CNGA1: variants seen among roughly 807,000 people sequenced by gnomAD.
CNGA1 encodes cyclic nucleotide-gated channel alpha-1.
A neutral mutation model predicts 69.7 loss-of-function variants in CNGA1; 53 were observed. The ratio of observed to expected loss-of-function variants is 0.76; its 90% CI spans 0.61 to 0.96. The LOEUF is 0.96. Ranked by LOEUF, CNGA1 falls within the 40% of genes least tolerant of loss-of-function variation. CNGA1 has a pLI of 0.00. For synonymous variants in CNGA1, 249 were observed against 283.5 expected, an observed-to-expected ratio of 0.88 and a Z score of 1.22; for missense variants, 739 against 811.2, an observed-to-expected ratio of 0.91 and a Z score of 1.08.
chr4:48,006,623 AG>A (rs1409702678), intron 2 of CNGA1, among the ~76,000 whole-genome samples: 6 of 147,566 alleles, frequency 4.1e-5, no homozygotes, highest in Admixed American at 2.0e-4. Context: ...GTTCAAAAAA[AG>A]ACATAATTTT....
chr4:47,994,581 C>T (rs1352071990), intron 2 of CNGA1, among the ~76,000 whole-genome samples: 1 of 152,062 alleles, frequency 6.6e-6, no homozygotes, highest in Non-Finnish European at 1.5e-5. Context: ...AGGTGAGTCT[C>T]CTGAAGGCAA....
At chr4:47,943,106 T>TA in intron 8 of CNGA1, 75 bp downstream of exon 8, 2 of 1,035,364 alleles carry the variant, frequency 1.9e-6, no homozygotes, top group Non-Finnish European at 3.0e-6. Context: ...TTCTACTTTG[T>TA]ATTATGGAAA....
At chr4:48,006,476 T>C (rs1008773566) in intron 2 of CNGA1, among the ~76,000 whole-genome samples, 1 of 152,204 alleles carries the variant, frequency 6.6e-6, no homozygotes, top group Non-Finnish European at 1.5e-5. Context: ...AACATTTTTA[T>C]ACAAATACAG....
At chr4:47,967,984 A>G (rs1323182181) in intron 3 of CNGA1, among the ~76,000 whole-genome samples, 1 of 152,178 alleles carries the variant, frequency 6.6e-6, no homozygotes, top group Admixed American at 6.5e-5. Context: ...TCTCAAAAAA[A>G]AAAATACACA....
chr4:47,953,825 T>A (rs1313958079), intron 3 of CNGA1, among the ~76,000 whole-genome samples: 1 of 152,084 alleles, frequency 6.6e-6, no homozygotes, highest in Non-Finnish European at 1.5e-5. Flanking sequence ...CAGTAACTGA[T>A]AACGGGAAGG....
chr4:47,999,750 A>G (rs1261442078), intron 2 of CNGA1, among the ~76,000 whole-genome samples: 1 of 152,172 alleles, frequency 6.6e-6, no homozygotes, highest in Non-Finnish European at 1.5e-5. Context: ...ACTCGCCTGT[A>G]GTCCCGGCTA....
chr4:47,966,813 A>G (rs542324736), intron 3 of CNGA1, among the ~76,000 whole-genome samples: 163 of 152,368 alleles, frequency 1.1e-3, no homozygotes, highest in Non-Finnish European at 2.1e-3. Context: ...TTTGAAAAGT[A>G]ATCAATAAGA....
At chr4:47,958,465 A>G (rs774894856) in intron 3 of CNGA1, among the ~76,000 whole-genome samples, 51 of 152,100 alleles carry the variant, frequency 3.4e-4, no homozygotes, top group Non-Finnish European at 1.2e-4. Flanking sequence ...TCTCTACAAA[A>G]ATACAAAAAT....
chr4:47,953,676 G>A (rs1267493077), intron 3 of CNGA1, among the ~76,000 whole-genome samples: 1 of 152,208 alleles, frequency 6.6e-6, no homozygotes, highest in Admixed American at 6.5e-5. Flanking sequence ...GCTGCTCCCA[G>A]CACAGGCCAT....
intron 3 of CNGA1, among the ~76,000 whole-genome samples, chr4:47,972,206 T>G (rs1741084838): frequency 6.6e-6 from 1 of 152,238 alleles, no homozygotes; most frequent in Non-Finnish European, 1.5e-5. Context: ...ACAATATTGT[T>G]TATTAATATT....
At chr4:47,950,481 C>T (rs1444714232) in intron 5 of CNGA1, among the ~76,000 whole-genome samples, 1 of 152,108 alleles carries the variant, frequency 6.6e-6, no homozygotes, top group Non-Finnish European at 1.5e-5. Context: ...TGAAAATGGA[C>T]ATGGTTAGTA....
chr4:47,945,670 G>A (rs1578070969), intron 6 of CNGA1, among the ~76,000 whole-genome samples: 1 of 152,148 alleles, frequency 6.6e-6, no homozygotes, highest in Admixed American at 6.5e-5. Flanking sequence ...AAAGTGAAAT[G>A]TATGTAATTC....
chr4:47,944,037 A>G (rs1739253325), intron 6 of CNGA1, among the ~76,000 whole-genome samples: 1 of 152,256 alleles, frequency 6.6e-6, no homozygotes, highest in African/African-American at 2.4e-5. Context: ...TTCTGAAGTC[A>G]GACAGACCTA....
chr4:47,981,352 G>A (rs1470004549), intron 3 of CNGA1, 41 bp downstream of exon 3: 1 of 152,148 alleles, frequency 6.6e-6, no homozygotes, highest in African/African-American at 2.4e-5. Flanking sequence ...AAGCATTTGT[G>A]AAAAATATAA....
chr4:47,944,671 A>T (rs1018444116), intron 6 of CNGA1, among the ~76,000 whole-genome samples: 1 of 152,204 alleles, frequency 6.6e-6, no homozygotes, highest in African/African-American at 2.4e-5. Flanking sequence ...CAAAGGATGC[A>T]AAAGTGATGT....
At chr4:48,010,304 G>A (rs1294978363) in intron 2 of CNGA1, among the ~76,000 whole-genome samples, 1 of 152,152 alleles carries the variant, frequency 6.6e-6, no homozygotes, top group African/African-American at 2.4e-5. Flanking sequence ...TCTAAGCTCT[G>A]GGCAGAGCCC....
rs780719604 is a variant in CNGA1 at position 47,937,090 on chromosome 4, G to A, written c.1392C>T (p.Asn464=). Residue 464 remains asparagine (N), a synonymous_variant, in exon 11 of 11, where the codon AAC becomes AAT. Coordinates refer to ENST00000514170, the MANE Select transcript of CNGA1 (RefSeq NM_001379270.1). ...CCTTTTTTAATGTGTCTAAGTGAAC[G>A]TTGATGGCAATTTCTGCTCTTAGTT... ...PDKLRAEIAI[N]VHLDTLKKVR... is the part of the protein sequence containing the mutation. 5.6e-6 allele frequency: 9 copies of A among 1,614,034 alleles called. No homozygotes were observed. The highest frequency in any genetic ancestry group is 4.5e-5 in the East Asian group (2 of 44,898).
intron 2 of CNGA1, among the ~76,000 whole-genome samples, chr4:47,997,339 T>A (rs1714408338): frequency 6.6e-6 from 1 of 152,190 alleles, no homozygotes; most frequent in Non-Finnish European, 1.5e-5. Context: ...TGTACTACAT[T>A]ACTAAATATT....
At chr4:47,961,659 G>A (rs1362960047) in intron 3 of CNGA1, among the ~76,000 whole-genome samples, 1 of 152,118 alleles carries the variant, frequency 6.6e-6, no homozygotes, top group South Asian at 2.1e-4. Context: ...TGACAGGATC[G>A]CTTGAGCCTG....
Sources: gnomAD v4.1 joint callset for allele counts (sites outside exome capture counted in the v4.1 genomes callset) on GRCh38, gnomAD v4.1.1 for gene constraint, MANE v1.5 for transcripts, NCBI Gene and HGNC (gene_info 2026-07-23, HGNC 2026-07-21) for gene names.